Variants in RERG observed in about 807,000 individuals in gnomAD.
RERG encodes RAS like estrogen regulated growth inhibitor.
In RERG, 25 loss-of-function variants were observed where a neutral mutation model predicts 23.2. That is an observed-to-expected ratio of 1.08 (90% CI 0.79 to 1.50). RERG has a LOEUF of 1.50. Among genes scored for constraint, RERG ranks in the 40% most tolerant of loss-of-function variants. The probability of loss-of-function intolerance (pLI) is 0.00; values close to 1 mark genes in which losing one functional copy is unlikely to be tolerated. For synonymous variants in RERG, 81 were observed against 89.1 expected (o/e 0.91, Z 0.51); for missense variants, 253 against 250.1 (o/e 1.01, Z -0.08).
intron 2 of RERG, among the ~76,000 whole-genome samples, chr12:15,193,385 C>A (rs1865099315): frequency 6.6e-6 from 1 of 152,116 alleles, no homozygotes; most frequent in Non-Finnish European, 1.5e-5. Context: ...GGTAGACATG[C>A]CTCCACCCTT....
At position 15,201,577 on chromosome 12, in the gene RERG, C is replaced by G. The variant is rs544989501; in HGVS notation, c.61+15852G>C. ...AATAGTAATTAATAATAATAATTAG[C>G]TAATATTAATTATTAGTAATTAACA... On this transcript the variant is annotated intron_variant, in intron 2 of 4. Transcript: ENST00000256953. Among the ~76,000 whole-genome samples the G allele has an allele frequency of 2.2e-3, 322 of 147,692 alleles. 1 individual carries two copies. The highest frequency in any genetic ancestry group is 7.4e-3 in the African/African-American group (299 of 40,506).
chr12:15,122,071 A>C (rs1863842149), intron 2 of RERG, among the ~76,000 whole-genome samples: 1 of 152,170 alleles, frequency 6.6e-6, no homozygotes, highest in Non-Finnish European at 1.5e-5. Flanking sequence ...CACTTAAAAA[A>C]TGGAATGAAA....
At chr12:15,180,659 G>A (rs1366011971) in intron 2 of RERG, among the ~76,000 whole-genome samples, 4 of 152,150 alleles carry the variant, frequency 2.6e-5, no homozygotes, top group Non-Finnish European at 5.9e-5. Flanking sequence ...TAGGGACGAG[G>A]TAGAGCCCTT....
chr12:15,109,511 T>C lies in RERG; in HGVS notation c.199A>G (p.Thr67Ala), dbSNP rs754965578. 6.3e-7 allele frequency: 1 copy of C among 1,582,452 alleles called. No homozygotes were observed. The highest frequency in any genetic ancestry group is 8.6e-7 in the Non-Finnish European group (1 of 1,161,460). The change falls in exon 5 of 5, where the codon ACC becomes GCC. Residue 67 changes from threonine (T) to alanine (A), a missense_variant. By Grantham distance (58) the Thr-to-Ala change is moderately conservative. Transcript: ENST00000256953. ...CGCATGTGCCCCTCCCTCTGAATGGTATCTTCCTGTTGGCAAAGAAAAATG... is the reference window on the plus strand; with the variant it reads ...CGCATGTGCCCCTCCCTCTGAATGGCATCTTCCTGTTGGCAAAGAAAAATG... Reference protein sequence around the residue: ...EILDTAGQEDTIQREGHMRWG... With the variant: ...EILDTAGQEDAIQREGHMRWG...
At chr12:15,203,765 T>C (rs1022292228) in intron 2 of RERG, among the ~76,000 whole-genome samples, 1 of 151,580 alleles carries the variant, frequency 6.6e-6, no homozygotes, top group Non-Finnish European at 1.5e-5. Context: ...CGATTGCACA[T>C]ATACTAAACA....
chr12:15,129,538 C>T (rs2900345), intron 2 of RERG, among the ~76,000 whole-genome samples: 2 of 151,978 alleles, frequency 1.3e-5, no homozygotes, highest in Non-Finnish European at 2.9e-5. Flanking sequence ...AAAGAAAGCA[C>T]GACTGAGAGG....
intron 3 of RERG, among the ~76,000 whole-genome samples, chr12:15,113,122 C>T: frequency 6.6e-6 from 1 of 152,112 alleles, no homozygotes; most frequent in East Asian, 1.9e-4. Flanking sequence ...ATGATTCTAT[C>T]AGTATATCAG....
At chr12:15,190,945 C>T (rs1207849233) in intron 2 of RERG, among the ~76,000 whole-genome samples, 1 of 152,172 alleles carries the variant, frequency 6.6e-6, no homozygotes, top group Admixed American at 6.6e-5. Context: ...TGTCAGTAGA[C>T]TTCAATTCCT....
chr12:15,186,136 T>C (rs796068454), intron 2 of RERG, among the ~76,000 whole-genome samples: 10 of 152,068 alleles, frequency 6.6e-5, no homozygotes, highest in African/African-American at 2.4e-4. Context: ...GTTTTAGTCA[T>C]GTTTTACCAA....
chr12:15,180,581 A>G (rs949965206), intron 2 of RERG, among the ~76,000 whole-genome samples: 23 of 152,210 alleles, frequency 1.5e-4, no homozygotes, highest in African/African-American at 5.3e-4. Context: ...CAAATCTAAT[A>G]TATCATCCAC....
At chr12:15,121,477 G>A (rs916404691) in intron 2 of RERG, among the ~76,000 whole-genome samples, 3 of 152,166 alleles carry the variant, frequency 2.0e-5, no homozygotes, top group Non-Finnish European at 4.4e-5. Context: ...ACAGGTATCC[G>A]AAGTTTGAAT....
At chr12:15,206,781 T>G (rs1225593628) in intron 2 of RERG, among the ~76,000 whole-genome samples, 1 of 152,176 alleles carries the variant, frequency 6.6e-6, no homozygotes, top group Non-Finnish European at 1.5e-5. Flanking sequence ...ACAAAAGTAT[T>G]CATTCATATC....
chr12:15,121,264 G>A, intron 2 of RERG, 145 bp from the exon 3 acceptor site: 1 of 618,846 alleles, frequency 1.6e-6, no homozygotes, highest in South Asian at 2.4e-5. Context: ...ATTTTTTTAT[G>A]TTTATTCAAG....
chr12:15,110,373 C>T (rs187413027), intron 4 of RERG, among the ~76,000 whole-genome samples: 68 of 146,822 alleles, frequency 4.6e-4, no homozygotes, highest in African/African-American at 1.4e-3. Flanking sequence ...GGTTTAAACA[C>T]TTTGATTCAA....
chr12:15,159,635 AAC>A (rs1335199325), intron 2 of RERG, among the ~76,000 whole-genome samples: 2 of 152,182 alleles, frequency 1.3e-5, no homozygotes, highest in Non-Finnish European at 2.9e-5. Context: ...CATCCTGGCT[AAC>A]ACAGTGAAAC....
At chr12:15,154,553 C>A (rs1049841322) in intron 2 of RERG, among the ~76,000 whole-genome samples, 1 of 152,102 alleles carries the variant, frequency 6.6e-6, no homozygotes, top group Non-Finnish European at 1.5e-5. Context: ...GCTAAAGTAA[C>A]CTGATTAATG....
At chr12:15,159,285 TC>T (rs1864569461) in intron 2 of RERG, among the ~76,000 whole-genome samples, 1 of 152,204 alleles carries the variant, frequency 6.6e-6, no homozygotes, top group Non-Finnish European at 1.5e-5. Context: ...TCTTGATAGG[TC>T]CCTACCATTT....
At chr12:15,151,375 A>T (rs1591649310) in intron 2 of RERG, among the ~76,000 whole-genome samples, 1 of 152,294 alleles carries the variant, frequency 6.6e-6, no homozygotes, top group South Asian at 2.1e-4. Flanking sequence ...ACATAAACAT[A>T]CCCAAGCCAA....
At chr12:15,209,113 T>C (rs546730505) in intron 2 of RERG, among the ~76,000 whole-genome samples, 95 of 152,350 alleles carry the variant, frequency 6.2e-4, no homozygotes, top group Non-Finnish European at 1.2e-3. Flanking sequence ...TGTATTCATC[T>C]GGCCTTCAGT....
Sources: gnomAD v4.1 joint callset for allele counts (sites outside exome capture counted in the v4.1 genomes callset) on GRCh38, gnomAD v4.1.1 for gene constraint, MANE v1.5 for transcripts, NCBI Gene and HGNC (gene_info 2026-07-23, HGNC 2026-07-21) for gene names.